Variants in UGT1A9 observed in about 807,000 individuals in gnomAD.
UGT1A9 encodes the protein UDP glucuronosyltransferase family 1 member A9.
Under a neutral mutation model 45.0 loss-of-function variants are expected in UGT1A9, and 35 were observed. The observed-to-expected ratio is 0.78, with a 90% confidence interval of 0.59 to 1.03. The LOEUF (loss-of-function observed/expected upper bound fraction) is 1.03, where lower values mean the gene tolerates loss of function less well. UGT1A9 is among the 50% of genes least tolerant of loss of function. The pLI is 0.00. For missense variants in UGT1A9, 687 were observed against 666.6 expected, an observed-to-expected ratio of 1.03 and a Z score of -0.34; for synonymous variants, 278 against 250.6, an observed-to-expected ratio of 1.11 and a Z score of -1.03.
At chr2:233,742,996 A>G in intron 1 of UGT1A9, 1 of 237,696 alleles carries the variant, frequency 4.2e-6, no homozygotes, top group South Asian at 5.8e-5. Context: ...AGCAAATTGC[A>G]TACAGATATT....
At chr2:233,745,540 A>C (rs952908361) in intron 1 of UGT1A9, among the ~76,000 whole-genome samples, 1 of 151,766 alleles carries the variant, frequency 6.6e-6, no homozygotes, top group African/African-American at 2.4e-5. Flanking sequence ...TTATGTCACC[A>C]GAACAAACTT....
intron 1 of UGT1A9, chr2:233,730,057 T>C: frequency 1.9e-6 from 3 of 1,611,758 alleles, no homozygotes; most frequent in South Asian, 1.1e-5. Context: ...AAAATGTATT[T>C]ATTTAAAATT....
At chr2:233,676,117 GACCC>G (rs1471691373) in intron 1 of UGT1A9, among the ~76,000 whole-genome samples, 1 of 152,146 alleles carries the variant, frequency 6.6e-6, no homozygotes, top group Non-Finnish European at 1.5e-5. Flanking sequence ...TTCAACAGAA[GACCC>G]ACCCTGGGGT....
At chr2:233,760,540 A>G (rs777452318) in intron 1 of UGT1A9, 2 of 1,614,130 alleles carry the variant, frequency 1.2e-6, no homozygotes, top group Non-Finnish European at 8.5e-7. Flanking sequence ...GCCATTCCAA[A>G]GGGAGGATGT....
intron 1 of UGT1A9, chr2:233,712,947 G>A: frequency 1.2e-6 from 2 of 1,612,674 alleles, no homozygotes; most frequent in South Asian, 1.1e-5. Context: ...ATTCTAGGAG[G>A]CACAACGTGG....
At chr2:233,717,878 G>T (rs2076613301) in intron 1 of UGT1A9, 1 of 454,744 alleles carries the variant, frequency 2.2e-6, no homozygotes, top group African/African-American at 2.0e-5. Context: ...TTGGAGAAAA[G>T]CCTGGCCATA....
rs561829360 is a variant in UGT1A9, at chr2:233,716,811, T to C, written c.855+44022T>C. On this transcript the variant is annotated intron_variant, in intron 1 of 4. Coordinates refer to ENST00000354728, the MANE Select transcript of UGT1A9 (RefSeq NM_021027.3). ...GCCTTTTTCTGTCTCTGGACGTTGC[T>C]GGGGTGACCTCACTGACACCCATGG... 6.6e-5 allele frequency among the ~76,000 whole-genome samples: 10 copies of C among 152,310 alleles called. No homozygotes were observed. The East Asian group carries it at 9.6e-4, about 15-fold the overall frequency.
rs1162609742 is a variant in UGT1A9 at position 233,768,299 on chromosome 2, G to A, written c.1155G>A (p.Met385Ile). ...AAAGCATATGCAATGGCGTTCCCAT[G>A]GTGATGATGCCCTTGTTTGGTGATC... ...VYESICNGVP[M>I]VMMPLFGDQM... Residue 385 changes from methionine to isoleucine, a missense_variant, in exon 4 of 5, where the codon ATG becomes ATA. Coordinates refer to ENST00000354728, the MANE Select transcript of UGT1A9 (RefSeq NM_021027.3). The A allele has an allele frequency of 2.5e-6, 4 of 1,614,176 alleles. No individual in the cohort carries two copies. The highest frequency in any genetic ancestry group is 2.7e-5 in the African/African-American group (2 of 75,038).
chr2:233,680,751 A>G (rs1160156063), intron 1 of UGT1A9, among the ~76,000 whole-genome samples: 5 of 152,156 alleles, frequency 3.3e-5, no homozygotes, highest in African/African-American at 1.2e-4. Flanking sequence ...GAAACAATAC[A>G]TAGATTCCTG....
intron 1 of UGT1A9, chr2:233,692,731 C>A: frequency 1.1e-6 from 1 of 943,774 alleles, no homozygotes; most frequent in Non-Finnish European, 1.4e-6. Context: ...TATAACTTTT[C>A]AGAGAGGGAG....
intron 1 of UGT1A9, chr2:233,713,950 C>A (rs1250435794): frequency 3.7e-6 from 6 of 1,608,844 alleles, no homozygotes; most frequent in Admixed American, 1.7e-5. Context: ...ATCTACTTAT[C>A]TTTCCAAAGA....
At chr2:233,692,108 A>T (rs1183375551) in intron 1 of UGT1A9, 1 of 152,198 alleles carries the variant, frequency 6.6e-6, no homozygotes, top group African/African-American at 2.4e-5. Flanking sequence ...GATGGGCAAC[A>T]ATCTAATCAA....
At chr2:233,690,534 A>G (rs1240259112) in intron 1 of UGT1A9, 1 of 1,287,984 alleles carries the variant, frequency 7.8e-7, no homozygotes, top group Non-Finnish European at 1.0e-6. Flanking sequence ...TACTTCTTTC[A>G]CCCCACTGGA....
Position 233,769,609 on chromosome 2 carries a change from C to T in UGT1A9, c.1295+1170C>T, listed in dbSNP as rs776582226. The T allele has an allele frequency of 3.7e-6, 6 of 1,612,752 alleles. No individual in the cohort carries two copies. Among genetic ancestry groups the T allele is most frequent in the Non-Finnish European group, 5.1e-6 (6 of 1,179,862 alleles). On this transcript the variant is annotated intron_variant, in intron 4 of 4. Transcript: ENST00000354728. The surrounding 1 kb of genome is among the most constrained non-coding windows in gnomAD (Gnocchi z 4.4). ...AGAGGAGACGGAACACGGGGACACACCAGCTTGAGCAAGGGACAACAGGGG... is the reference window on the plus strand; with the variant it reads ...AGAGGAGACGGAACACGGGGACACATCAGCTTGAGCAAGGGACAACAGGGG...
intron 1 of UGT1A9, chr2:233,755,146 C>A: frequency 7.7e-7 from 1 of 1,304,902 alleles, no homozygotes; most frequent in Non-Finnish European, 1.0e-6. Flanking sequence ...CTTCTCACCG[C>A]TTCCTCCCTG....
chr2:233,711,047 C>G (rs2076160015), intron 1 of UGT1A9, among the ~76,000 whole-genome samples: 2 of 152,134 alleles, frequency 1.3e-5, no homozygotes, highest in African/African-American at 4.8e-5. Flanking sequence ...TCACTGACAC[C>G]CATGGCTTCA....
chr2:233,722,201 C>A (rs2076999629), intron 1 of UGT1A9: 1 of 154,184 alleles, frequency 6.5e-6, no homozygotes, highest in African/African-American at 2.4e-5. Flanking sequence ...TTACTGAGTG[C>A]ATGAAAGATC....
chr2:233,747,828 A>G, intron 1 of UGT1A9: 8 of 1,613,512 alleles, frequency 5.0e-6, no homozygotes, highest in Non-Finnish European at 6.8e-6. Flanking sequence ...AGACCACATG[A>G]CATTCCTGCA....
At chr2:233,675,667 A>G (rs985269438) in intron 1 of UGT1A9, among the ~76,000 whole-genome samples, 2 of 152,148 alleles carry the variant, frequency 1.3e-5, no homozygotes, top group African/African-American at 4.8e-5. Flanking sequence ...CAATGGAGAG[A>G]CTCAGTGTAA....
Sources: gnomAD v4.1 joint callset for allele counts (sites outside exome capture counted in the v4.1 genomes callset) on GRCh38, gnomAD v4.1.1 for gene constraint, Gnocchi (gnomAD v3.1) non-coding constraint, MANE v1.5 for transcripts, NCBI Gene and HGNC (gene_info 2026-07-23, HGNC 2026-07-21) for gene names.